FOXP1: variants seen among roughly 807,000 people sequenced by gnomAD.
FOXP1 encodes the protein forkhead box protein P1.
Under a neutral mutation model 98.2 loss-of-function variants are expected in FOXP1, and 15 were observed. That is an observed-to-expected ratio of 0.15 (90% CI 0.10 to 0.24). The LOEUF is 0.24. Ranked by LOEUF, FOXP1 falls within the 10% of genes least tolerant of loss-of-function variation. The probability of loss-of-function intolerance (pLI) is 1.00; values close to 1 mark genes in which losing one functional copy is unlikely to be tolerated. For missense variants in FOXP1, 633 were observed against 848.5 expected, an observed-to-expected ratio of 0.75 and a Z score of 3.15; for synonymous variants, 371 against 314.5, an observed-to-expected ratio of 1.18 and a Z score of -1.90.
At chr3:71,561,753 T>C (rs1189459600) in intron 2 of FOXP1, among the ~76,000 whole-genome samples, 1 of 152,214 alleles carries the variant, frequency 6.6e-6, no homozygotes, top group African/African-American at 2.4e-5. Flanking sequence ...AATCAAATTC[T>C]ATCCCATGAA....
intron 9 of FOXP1, among the ~76,000 whole-genome samples, chr3:71,048,598 T>C (rs1338288226): frequency 2.0e-5 from 3 of 152,102 alleles, no homozygotes; most frequent in Non-Finnish European, 4.4e-5. Flanking sequence ...AAGAACAGCA[T>C]GCATAAAATG....
At chr3:71,128,670 GTAT>G (rs2059383149) in intron 6 of FOXP1, among the ~76,000 whole-genome samples, 3 of 152,054 alleles carry the variant, frequency 2.0e-5, no homozygotes, top group Admixed American at 6.5e-5. Flanking sequence ...TTGTCCAATG[GTAT>G]TATTATTTAA....
chr3:71,531,103 C>A (rs2043810149), intron 2 of FOXP1, among the ~76,000 whole-genome samples: 1 of 152,332 alleles, frequency 6.6e-6, no homozygotes, highest in East Asian at 1.9e-4. Flanking sequence ...ACCTTTGTTC[C>A]TTATTTCCAC....
intron 4 of FOXP1, among the ~76,000 whole-genome samples, chr3:71,307,701 C>G (rs1229478067): frequency 6.6e-6 from 1 of 152,184 alleles, no homozygotes; most frequent in Non-Finnish European, 1.5e-5. Flanking sequence ...CATGGAGCTT[C>G]TAATGAATGT....
At chr3:71,375,223 T>C (rs1326549806) in intron 3 of FOXP1, among the ~76,000 whole-genome samples, 1 of 152,172 alleles carries the variant, frequency 6.6e-6, no homozygotes, top group East Asian at 1.9e-4. Flanking sequence ...TTCTGATATC[T>C]ATATGGTAAA....
At chr3:71,104,406 CT>C (rs1036243962) in intron 7 of FOXP1, among the ~76,000 whole-genome samples, 10 of 152,308 alleles carry the variant, frequency 6.6e-5, no homozygotes, top group Admixed American at 6.5e-5. Flanking sequence ...CCTTCTGCTG[CT>C]GTTGCTGCTG....
intron 3 of FOXP1, among the ~76,000 whole-genome samples, chr3:71,491,591 T>C (rs1221892460): frequency 3.3e-5 from 5 of 152,332 alleles, no homozygotes; most frequent in South Asian, 2.1e-4. Context: ...GAAGTAATAC[T>C]GTAGGGAAGA....
chr3:70,993,141 G>A (rs1277790323), intron 13 of FOXP1, among the ~76,000 whole-genome samples: 2 of 152,222 alleles, frequency 1.3e-5, no homozygotes, highest in Non-Finnish European at 2.9e-5. Context: ...TAATTGATTT[G>A]TGTTAGGATT....
intron 12 of FOXP1, among the ~76,000 whole-genome samples, chr3:71,008,831 C>T (rs904021920): frequency 6.6e-6 from 1 of 151,800 alleles, no homozygotes; most frequent in Admixed American, 6.6e-5. Context: ...TTTGATTTAC[C>T]AACAGTTATG....
intron 11 of FOXP1, among the ~76,000 whole-genome samples, chr3:71,039,309 C>G (rs1025849896): frequency 1.3e-5 from 2 of 151,978 alleles, no homozygotes; most frequent in East Asian, 1.9e-4. Context: ...TTTGTGCAGA[C>G]AAATAAGGAC....
intron 7 of FOXP1, among the ~76,000 whole-genome samples, chr3:71,083,470 T>TA: frequency 6.6e-6 from 1 of 152,296 alleles, no homozygotes; most frequent in African/African-American, 2.4e-5. Context: ...CTAACACACT[T>TA]ACCAATCAGC....
At chr3:71,125,577 G>T (rs1016088572) in intron 6 of FOXP1, among the ~76,000 whole-genome samples, 6 of 152,158 alleles carry the variant, frequency 3.9e-5, no homozygotes, top group Non-Finnish European at 8.8e-5. Context: ...CTTTAAGAGG[G>T]AATCTGAAAA....
At position 71,263,268 on chromosome 3, in the gene FOXP1, A is replaced by C. The variant is rs541256382; in HGVS notation, c.-12+36552T>G. 3.9e-5 allele frequency among the ~76,000 whole-genome samples: 6 copies of C among 152,282 alleles called. No homozygotes were observed. In the East Asian group the frequency reaches 1.2e-3, roughly 29 times the overall value. Reference sequence around the variant, plus strand: ...GTGGAATACCTACTGAGAGCAATTGAAACCTGTTTAAAAACTAAAAGTAAA... The same window carrying C: ...GTGGAATACCTACTGAGAGCAATTGCAACCTGTTTAAAAACTAAAAGTAAA... On this transcript the variant is annotated intron_variant, in intron 5 of 20. Transcript: ENST00000649528.
chr3:71,062,542 C>T (rs1348753447), intron 7 of FOXP1, among the ~76,000 whole-genome samples: 2 of 152,090 alleles, frequency 1.3e-5, no homozygotes, highest in Non-Finnish European at 2.9e-5. Flanking sequence ...CATTATTAGC[C>T]GACATTATCA....
chr3:71,327,955 T>C (rs1045183828), intron 4 of FOXP1, among the ~76,000 whole-genome samples: 2 of 152,184 alleles, frequency 1.3e-5, no homozygotes, highest in African/African-American at 4.8e-5. Flanking sequence ...CCCCAACCTC[T>C]CTACACATGA....
chr3:71,173,715 T>G (rs2061771422), intron 6 of FOXP1, among the ~76,000 whole-genome samples: 1 of 152,170 alleles, frequency 6.6e-6, no homozygotes, highest in African/African-American at 2.4e-5. Context: ...CAATTAGATG[T>G]GGAGATGAGG....
chr3:71,175,479 T>C (rs4677594), intron 6 of FOXP1, among the ~76,000 whole-genome samples: 10,981 of 152,242 alleles, frequency 0.072, 523 homozygotes, highest in African/African-American at 0.14. Flanking sequence ...TTTCAGCCTT[T>C]TCCACTGTTC....
chr3:71,290,734 G>A (rs1422411094), intron 5 of FOXP1, among the ~76,000 whole-genome samples: 1 of 152,134 alleles, frequency 6.6e-6, no homozygotes, highest in Admixed American at 6.5e-5. Flanking sequence ...GCAATCAAAA[G>A]TGCTCCGAAA....
intron 4 of FOXP1, among the ~76,000 whole-genome samples, chr3:71,348,305 G>A (rs1459661806): frequency 6.6e-6 from 1 of 152,082 alleles, no homozygotes; most frequent in Non-Finnish European, 1.5e-5. Flanking sequence ...ACTTCAGTAA[G>A]CTTATTGAAA....
Sources: allele counts gnomAD v4.1 joint callset (sites outside exome capture counted in the v4.1 genomes callset), GRCh38; gene constraint gnomAD v4.1.1; transcripts MANE v1.5; gene names NCBI Gene and HGNC (gene_info 2026-07-23, HGNC 2026-07-21).